Variants in STPG2 observed in about 807,000 individuals in gnomAD.
STPG2 encodes the protein sperm tail PG-rich repeat containing 2.
A neutral mutation model predicts 54.2 loss-of-function variants in STPG2; 56 were observed. The observed-to-expected ratio is 1.03, with a 90% CI of 0.83 to 1.29. The LOEUF is 1.29. Ranked by LOEUF, STPG2 falls within the 50% of genes most tolerant of loss-of-function variation. The pLI, the probability that STPG2 is intolerant of heterozygous loss-of-function variation, is 0.00. For missense variants in STPG2, 596 were observed against 544.9 expected, an observed-to-expected ratio of 1.09 and a Z score of -0.93; for synonymous variants, 200 against 181.8, an observed-to-expected ratio of 1.10 and a Z score of -0.81.
chr4:97,675,526 C>T (rs549410512), intron 10 of STPG2, among the ~76,000 whole-genome samples: 2 of 152,146 alleles, frequency 1.3e-5, no homozygotes, highest in South Asian at 4.2e-4. Flanking sequence ...AACTTTGAAG[C>T]AACATATTCC....
intron 8 of STPG2, among the ~76,000 whole-genome samples, chr4:97,844,421 C>T (rs988146033): frequency 6.6e-6 from 1 of 151,956 alleles, no homozygotes; most frequent in Non-Finnish European, 1.5e-5. Context: ...ATTTCATATT[C>T]ATTTTTGAAT....
chr4:97,972,548 C>T (rs1734369470), intron 6 of STPG2, 108 bp from the exon 7 acceptor site: 2 of 634,824 alleles, frequency 3.2e-6, no homozygotes, highest in Admixed American at 4.1e-5. Flanking sequence ...AAAACCCTCA[C>T]ATATTTCTGG....
At chr4:98,129,416 T>A (rs1291323515) in intron 2 of STPG2, among the ~76,000 whole-genome samples, 1 of 152,144 alleles carries the variant, frequency 6.6e-6, no homozygotes, top group Non-Finnish European at 1.5e-5. Flanking sequence ...CAGGAAAATA[T>A]CTATGATGTA....
At chr4:97,488,445 T>C (rs2148825770) in intron 4 of STPG2, among the ~76,000 whole-genome samples, 1 of 151,814 alleles carries the variant, frequency 6.6e-6, no homozygotes, top group South Asian at 2.1e-4. Flanking sequence ...ATGCAATCTG[T>C]CCCTAAAATA....
chr4:97,533,501 C>T (rs1165695661), intron 4 of STPG2, among the ~76,000 whole-genome samples: 1 of 151,782 alleles, frequency 6.6e-6, no homozygotes, highest in Admixed American at 6.6e-5. Context: ...ATATAAACAT[C>T]CATATCACCA....
intron 4 of STPG2, among the ~76,000 whole-genome samples, chr4:97,540,405 C>A (rs1731665530): frequency 1.3e-5 from 2 of 152,244 alleles, no homozygotes; most frequent in East Asian, 3.9e-4. Context: ...GACACATACA[C>A]CCTCCCAAGA....
chr4:97,907,335 G>A (rs1731472417), intron 8 of STPG2, among the ~76,000 whole-genome samples: 1 of 152,064 alleles, frequency 6.6e-6, no homozygotes, highest in Non-Finnish European at 1.5e-5. Flanking sequence ...TCTTCAAGGA[G>A]AACTACAAAC....
chr4:97,940,214 C>G (rs1332682514), intron 8 of STPG2, among the ~76,000 whole-genome samples: 1 of 152,124 alleles, frequency 6.6e-6, no homozygotes, highest in Non-Finnish European at 1.5e-5. Context: ...CTCTTTCTCT[C>G]TAGGTGACTT....
chr4:98,023,246 T>C (rs1447956139), intron 5 of STPG2, among the ~76,000 whole-genome samples: 2 of 152,228 alleles, frequency 1.3e-5, no homozygotes, highest in African/African-American at 4.8e-5. Context: ...GACAGGACCC[T>C]CAGCTGCAGG....
rs200314689 is a variant in STPG2, at chr4:98,023,112, GT to G, written c.613-41795del. Among the ~76,000 whole-genome samples, 1,204 of 152,244 alleles carry G rather than the reference GT, an allele frequency of 7.9e-3. 14 individuals are homozygous for G. The highest frequency in any genetic ancestry group is 0.027 in the African/African-American group (1,135 of 41,538). On this transcript the variant is annotated intron_variant, in intron 5 of 10. Coordinates refer to ENST00000295268, the MANE Select transcript of STPG2 (RefSeq NM_174952.3). ...GGAGCTCTGCTTTTTTGAGTTTCCAGTTTTTCTGCTCTGTTTTTTCGCCATC... is the reference window on the plus strand; with the variant it reads ...GGAGCTCTGCTTTTTTGAGTTTCCAGTTTTCTGCTCTGTTTTTTCGCCATC...
At chr4:97,891,664 A>C (rs926151365) in intron 8 of STPG2, among the ~76,000 whole-genome samples, 5 of 152,088 alleles carry the variant, frequency 3.3e-5, no homozygotes, top group African/African-American at 1.2e-4. Context: ...ATTTTCCTAC[A>C]AGTAGAAAAA....
chr4:97,982,034 G>A (rs1397176288), intron 5 of STPG2, among the ~76,000 whole-genome samples: 2 of 151,406 alleles, frequency 1.3e-5, no homozygotes, highest in East Asian at 1.9e-4. Flanking sequence ...ACAGGCACCC[G>A]CCACCATGCC....
intron 8 of STPG2, among the ~76,000 whole-genome samples, chr4:97,909,578 T>A (rs1481963083): frequency 6.6e-6 from 1 of 152,148 alleles, no homozygotes; most frequent in African/African-American, 2.4e-5. Context: ...TAGTAAATAG[T>A]GCTGTGACAT....
intron 4 of STPG2, among the ~76,000 whole-genome samples, chr4:97,530,405 C>T (rs1014234309): frequency 6.6e-6 from 1 of 152,016 alleles, no homozygotes; most frequent in Non-Finnish European, 1.5e-5. Context: ...ATCACTGAGT[C>T]TATACACTGA....
chr4:97,571,929 T>A (rs1732611849), intron 10 of STPG2, among the ~76,000 whole-genome samples: 1 of 152,210 alleles, frequency 6.6e-6, no homozygotes, highest in South Asian at 2.1e-4. Flanking sequence ...ATTACTTGAT[T>A]AGTAACTATC....
At chr4:97,505,687 C>G (rs1011221073) in intron 4 of STPG2, among the ~76,000 whole-genome samples, 3 of 151,768 alleles carry the variant, frequency 2.0e-5, no homozygotes, top group African/African-American at 4.8e-5. Context: ...TTTGAATAAA[C>G]TACTTTATAT....
intron 10 of STPG2, among the ~76,000 whole-genome samples, chr4:97,680,366 G>T (rs1243014470): frequency 2.0e-5 from 3 of 151,788 alleles, no homozygotes; most frequent in Non-Finnish European, 4.4e-5. Flanking sequence ...TGGATTCCTA[G>T]GTATTTTATT....
chr4:97,946,404 T>C (rs1324668258), intron 7 of STPG2, among the ~76,000 whole-genome samples: 1 of 152,104 alleles, frequency 6.6e-6, no homozygotes, highest in Non-Finnish European at 1.5e-5. Context: ...TTTAATTAGG[T>C]CTAATTTGTT....
chr4:97,904,593 C>T (rs889081205), intron 8 of STPG2, among the ~76,000 whole-genome samples: 16 of 152,298 alleles, frequency 1.1e-4, no homozygotes, highest in Non-Finnish European at 1.6e-4. Flanking sequence ...AGCAACGGAA[C>T]AAAGCTGGAC....
Sources: allele counts gnomAD v4.1 joint callset (sites outside exome capture counted in the v4.1 genomes callset), GRCh38; gene constraint gnomAD v4.1.1; transcripts MANE v1.5; gene names NCBI Gene and HGNC (gene_info 2026-07-23, HGNC 2026-07-21).